The following FOXP1 variants were observed in gnomAD, a reference collection of about 807,000 sequenced individuals.
FOXP1 encodes the protein forkhead box P1, also known as forkhead box protein P1.
Under a neutral mutation model 98.2 loss-of-function variants are expected in FOXP1, and 15 were observed. The ratio of observed to expected loss-of-function variants is 0.15; its 90% CI spans 0.10 to 0.24. The LOEUF (loss-of-function observed/expected upper bound fraction) is 0.24, where lower values mean the gene tolerates loss of function less well. Ranked by LOEUF, FOXP1 falls within the 10% of genes least tolerant of loss-of-function variation. FOXP1 has a pLI of 1.00. For missense variants in FOXP1, 633 were observed against 848.5 expected, an observed-to-expected ratio of 0.75 and a Z score of 3.15; for synonymous variants, 371 against 314.5, an observed-to-expected ratio of 1.18 and a Z score of -1.90.
chr3:71,442,945 G>A (rs910861696), intron 3 of FOXP1, among the ~76,000 whole-genome samples: 2 of 152,126 alleles, frequency 1.3e-5, no homozygotes, highest in African/African-American at 2.4e-5. Flanking sequence ...GGGCTGGAGT[G>A]CAGTGGCGCG....
At chr3:71,064,910 G>C (rs964001134) in intron 7 of FOXP1, 2 of 649,482 alleles carry the variant, frequency 3.1e-6, no homozygotes, top group African/African-American at 4.0e-5. Context: ...CGGCCTCGGC[G>C]TGCAGGCGGA....
chr3:71,505,970 C>G (rs2041795621), intron 2 of FOXP1, among the ~76,000 whole-genome samples: 1 of 152,212 alleles, frequency 6.6e-6, no homozygotes, highest in Non-Finnish European at 1.5e-5. Context: ...GATACCCAGG[C>G]ACAGTCTGCC....
chr3:71,508,736 C>G (rs1292377638), intron 2 of FOXP1, among the ~76,000 whole-genome samples: 2 of 152,202 alleles, frequency 1.3e-5, no homozygotes, highest in Non-Finnish European at 2.9e-5. Flanking sequence ...ACAACCACCC[C>G]TCTCTGGCCC....
At position 71,230,965 on chromosome 3, in the gene FOXP1, C is replaced by T. The variant is rs541084986; in HGVS notation, c.-11-32573G>A. On this transcript the variant is annotated intron_variant, in intron 5 of 20. Transcript: ENST00000649528. The stretch of plus-strand genomic sequence containing the variant: ...CAAGTAAGACAGGCTTGCCAGAGAA[C>T]GGGAAAAAATTCCAGTAGAGTCTGA... 5.1e-4 allele frequency among the ~76,000 whole-genome samples: 78 copies of T among 152,228 alleles called. 1 individual carries two copies. Among genetic ancestry groups the T allele is most frequent in the African/African-American group, 1.5e-3 (61 of 41,532 alleles).
chr3:71,564,237 T>G (rs2046747247), intron 2 of FOXP1, among the ~76,000 whole-genome samples: 1 of 152,226 alleles, frequency 6.6e-6, no homozygotes, highest in South Asian at 2.1e-4. Context: ...CTTCCTTCAG[T>G]TTTTTCGTAA....
chr3:71,284,529 C>T (rs1418105041), intron 5 of FOXP1, among the ~76,000 whole-genome samples: 2 of 152,072 alleles, frequency 1.3e-5, no homozygotes, highest in Non-Finnish European at 2.9e-5. Context: ...TCACTACAAT[C>T]CAGCCTGGGT....
chr3:71,226,914 C>G (rs1409475303), intron 5 of FOXP1, among the ~76,000 whole-genome samples: 5 of 152,142 alleles, frequency 3.3e-5, no homozygotes, highest in Admixed American at 3.3e-4. Flanking sequence ...CCAAAGCACG[C>G]AGGATGTCAG....
chr3:71,512,683 C>T lies in FOXP1; in HGVS notation c.-297-19128G>A, dbSNP rs74775052. Among the ~76,000 whole-genome samples, 632 of 152,308 alleles carry T rather than the reference C, an allele frequency of 4.1e-3. 6 individuals are homozygous for T. The highest frequency in any genetic ancestry group is 0.015 in the African/African-American group (605 of 41,570). On this transcript the variant is annotated intron_variant, in intron 2 of 20. Coordinates refer to ENST00000649528, the MANE Select transcript of FOXP1 (RefSeq NM_001349338.3). ...TTGTGAATGCCACTTCATACAACAG[C>T]TGGTCACTACCCAGTAGAGTAGAAA...
intron 6 of FOXP1, among the ~76,000 whole-genome samples, chr3:71,187,275 G>A (rs952640094): frequency 6.6e-6 from 1 of 152,212 alleles, no homozygotes; most frequent in African/African-American, 2.4e-5. Context: ...TATGCGTGAT[G>A]CTTTTCCTGT....
intron 5 of FOXP1, among the ~76,000 whole-genome samples, chr3:71,205,285 A>C (rs1361685409): frequency 6.6e-6 from 1 of 152,250 alleles, no homozygotes; most frequent in Non-Finnish European, 1.5e-5. Flanking sequence ...TAAAGCAGTA[A>C]TATGAGGGCC....
At chr3:71,117,829 T>C (rs917403628) in intron 6 of FOXP1, among the ~76,000 whole-genome samples, 4 of 152,184 alleles carry the variant, frequency 2.6e-5, no homozygotes, top group African/African-American at 9.7e-5. Flanking sequence ...GTGCTGTATT[T>C]TCATGCTAGG....
intron 5 of FOXP1, among the ~76,000 whole-genome samples, chr3:71,270,800 G>C (rs995987231): frequency 6.6e-6 from 1 of 152,166 alleles, no homozygotes; most frequent in African/African-American, 2.4e-5. Context: ...TTTCATCTTC[G>C]ACTCTTTCTG....
intron 7 of FOXP1, among the ~76,000 whole-genome samples, chr3:71,069,433 C>G (rs187176853): frequency 6.6e-6 from 1 of 152,210 alleles, no homozygotes; most frequent in Non-Finnish European, 1.5e-5. Flanking sequence ...CTGCATTTGA[C>G]AGTAATAAAT....
intron 5 of FOXP1, among the ~76,000 whole-genome samples, chr3:71,267,669 T>C (rs1394877615): frequency 6.6e-6 from 1 of 152,178 alleles, no homozygotes; most frequent in Non-Finnish European, 1.5e-5. Context: ...TAAAAGAGGT[T>C]GAACCAGGCA....
intron 2 of FOXP1, among the ~76,000 whole-genome samples, chr3:71,519,920 G>A (rs1464814708): frequency 6.6e-6 from 1 of 152,232 alleles, no homozygotes; most frequent in Non-Finnish European, 1.5e-5. Flanking sequence ...TCCCATAAAG[G>A]GGCCATGTTA....
intron 4 of FOXP1, among the ~76,000 whole-genome samples, chr3:71,348,553 G>GCGCGCGCGCGCA (rs1553853273): frequency 1.1e-4 from 15 of 130,732 alleles, no homozygotes; most frequent in African/African-American, 4.1e-4. Flanking sequence ...GTGTGTGCGT[G>GCGCGCGCGCGCA]CGCGCGCGCA....
intron 3 of FOXP1, among the ~76,000 whole-genome samples, chr3:71,482,680 G>A (rs896429567): frequency 9.2e-5 from 14 of 152,022 alleles, no homozygotes; most frequent in East Asian, 5.8e-4. Flanking sequence ...GATTACAGGC[G>A]TCTGCCACCA....
chr3:71,421,111 G>C (rs1354574938), intron 3 of FOXP1, among the ~76,000 whole-genome samples: 2 of 152,150 alleles, frequency 1.3e-5, no homozygotes, highest in Non-Finnish European at 2.9e-5. Flanking sequence ...GACTGCAAGG[G>C]ACAGACACAG....
chr3:71,399,630 A>G (rs1245478709), intron 3 of FOXP1, among the ~76,000 whole-genome samples: 3 of 152,230 alleles, frequency 2.0e-5, no homozygotes, highest in Non-Finnish European at 4.4e-5. Flanking sequence ...GCAACCTTTG[A>G]TAACCTACAA....
Sources: allele counts gnomAD v4.1 joint callset (sites outside exome capture counted in the v4.1 genomes callset), GRCh38; gene constraint gnomAD v4.1.1; transcripts MANE v1.5; gene names NCBI Gene and HGNC (gene_info 2026-07-23, HGNC 2026-07-21).